LARP7: variants seen among roughly 807,000 people sequenced by gnomAD.
LARP7 encodes la-related protein 7.
In LARP7, 52 loss-of-function variants were observed where a neutral mutation model predicts 69.3. The ratio of observed to expected loss-of-function variants is 0.75; its 90% CI spans 0.60 to 0.95. The LOEUF is 0.95. LARP7 is among the 40% of genes least tolerant of loss of function. The pLI, the probability that LARP7 is intolerant of heterozygous loss-of-function variation, is 0.00. For missense variants in LARP7, 733 were observed against 673.0 expected (o/e 1.09, Z -0.99); for synonymous variants, 254 against 215.9 (o/e 1.18, Z -1.55).
Position 112,647,675 on chromosome 4 carries a change from T to C in LARP7, c.998-15T>C. ...GCCCCATGTCTTAACGGAGAGCTTT[T>C]TTATTTATTTCAAGATATAGAAATC... On this transcript the variant is annotated splice_polypyrimidine_tract_variant and intron_variant, in intron 7 of 12. Transcript: ENST00000344442. 6.6e-7 allele frequency: 1 copy of C among 1,508,402 alleles called. No individual in the cohort carries two copies. Among genetic ancestry groups the C allele is most frequent in the Non-Finnish European group, 8.8e-7 (1 of 1,132,814 alleles). 93.4% of individuals were successfully genotyped at this position (1,508,402 alleles called of 1,614,324 possible). A position where few individuals can be genotyped will look rare whatever the true frequency, so the allele number is the denominator to read the frequency against.
intron 8 of LARP7, chr4:112,648,335 T>G (rs780918238): frequency 3.8e-6 from 2 of 530,174 alleles, no homozygotes; most frequent in Admixed American, 3.9e-5. Flanking sequence ...AAAAATTTTG[T>G]AACAAAAGGT....
intron 9 of LARP7, chr4:112,650,193 C>A: frequency 3.7e-6 from 1 of 273,516 alleles, no homozygotes; most frequent in Non-Finnish European, 6.8e-6. Context: ...TTCCTTTGTT[C>A]AGGGAGAAGG....
intron 1 of LARP7, among the ~76,000 whole-genome samples, chr4:112,640,302 G>A (rs1225777443): frequency 2.0e-5 from 3 of 152,160 alleles, no homozygotes; most frequent in Admixed American, 2.0e-4. Flanking sequence ...CACTTTACAG[G>A]TACTTTTAAA....
rs1219645038 is a variant in LARP7, at chr4:112,650,541, A to G, written c.1375A>G (p.Ile459Val). ...GTTCGTGAGTGGAGTGATTGTGAAG[A>G]TCATTAGCACAGAGCCTCTACCTGG... Reference protein sequence around the residue: ...PQFVSGVIVKIISTEPLPGRK... With the variant: ...PQFVSGVIVKVISTEPLPGRK... The change falls in exon 10 of 13, where the codon ATC (isoleucine) becomes GTC (valine). Residue 459 changes from isoleucine (I) to valine (V), a missense_variant. Transcript: ENST00000344442. 9.9e-6 allele frequency: 16 copies of G among 1,613,812 alleles called. No homozygotes were observed. Among genetic ancestry groups the G allele is most frequent in the Non-Finnish European group, 1.2e-5 (14 of 1,179,788 alleles).
Position 112,646,602 on chromosome 4 carries a change from C to T in LARP7, c.318C>T (p.Gly106=), listed in dbSNP as rs200626117. 9.2e-5 allele frequency: 146 copies of T among 1,591,662 alleles called. No homozygotes were observed. The East Asian group carries it at 3.2e-3, about 35-fold the overall frequency. The change falls in exon 4 of 13, where the codon GGC becomes GGT. Residue 106 remains glycine (G), a synonymous_variant. Coordinates refer to ENST00000344442, the MANE Select transcript of LARP7 (RefSeq NM_016648.4). The part of the protein sequence containing the change: ...SSAVVELDLE[G]TRIRRKKPLG... The stretch of plus-strand genomic sequence containing the variant: ...CTATTTTAAAGCTTGATTTGGAAGG[C>T]ACCAGAATCCGGAGGAAAAAACCTC...
At position 112,650,543 on chromosome 4, in the gene LARP7, C is replaced by T. The variant is rs755879346; in HGVS notation, c.1377C>T (p.Ile459=). The T allele has an allele frequency of 6.2e-7, 1 of 1,613,682 alleles. No individual in the cohort carries two copies. Among genetic ancestry groups the T allele is most frequent in the East Asian group, 2.2e-5 (1 of 44,856 alleles). ...PQFVSGVIVK[I]ISTEPLPGRK... ...TCGTGAGTGGAGTGATTGTGAAGAT[C>T]ATTAGCACAGAGCCTCTACCTGGCA... Residue 459 remains isoleucine, a synonymous_variant, in exon 10 of 13, where the codon ATC becomes ATT. Coordinates refer to ENST00000344442, the MANE Select transcript of LARP7 (RefSeq NM_016648.4).
At chr4:112,648,554 G>A (rs1342976819) in intron 8 of LARP7, 2 of 524,472 alleles carry the variant, frequency 3.8e-6, no homozygotes, top group Admixed American at 2.0e-5. Flanking sequence ...AAGTTGAAGG[G>A]AGCCCACCCA....
At chr4:112,641,804 G>A (rs564162911) in intron 1 of LARP7, among the ~76,000 whole-genome samples, 2 of 152,304 alleles carry the variant, frequency 1.3e-5, no homozygotes, top group South Asian at 4.1e-4. Flanking sequence ...TTAATTTTGA[G>A]ATATCCTTTA....
intron 1 of LARP7, among the ~76,000 whole-genome samples, chr4:112,639,902 T>C (rs1303304501): frequency 6.6e-6 from 1 of 152,112 alleles, no homozygotes; most frequent in Non-Finnish European, 1.5e-5. Flanking sequence ...GAATTATAAT[T>C]ATCAATTATA....
At chr4:112,646,320 A>G (rs747894544) in intron 2 of LARP7, 31 bp from the exon 3 acceptor site, 3 of 1,091,732 alleles carry the variant, frequency 2.7e-6, no homozygotes, top group Non-Finnish European at 4.2e-6. Flanking sequence ...CTGCTGATAC[A>G]CTAACATATT....
intron 7 of LARP7, 38 bp downstream of exon 7, chr4:112,647,587 A>ATTAGT (rs71597609): frequency 7.1e-7 from 1 of 1,414,396 alleles, no homozygotes. Context: ...AAACTAATTA[A>ATTAGT]TTTTAATTAA....
intron 1 of LARP7, among the ~76,000 whole-genome samples, chr4:112,643,809 G>A (rs2048052490): frequency 6.6e-6 from 1 of 151,934 alleles, no homozygotes; most frequent in Non-Finnish European, 1.5e-5. Context: ...CTGAGATCAT[G>A]CCACTGCACT....
At chr4:112,645,525 A>T in intron 2 of LARP7, 1 of 456,024 alleles carries the variant, frequency 2.2e-6, no homozygotes, top group Non-Finnish European at 4.4e-6. Context: ...CATTTTTTTG[A>T]GGCAAGGTCT....
Position 112,653,248 on chromosome 4 carries a change from T to C in LARP7, c.1576+12T>C, listed in dbSNP as rs2048823895. ...CGAGATCCTTTCTGGTAAAACTTCA[T>C]AGACGTTTCCTTTTTTTTTTGTTAT... On this transcript the variant is annotated intron_variant, in intron 11 of 12. Coordinates refer to ENST00000344442, the MANE Select transcript of LARP7 (RefSeq NM_016648.4). 6.4e-7 allele frequency: 1 copy of C among 1,565,062 alleles called. No homozygotes were observed. Among genetic ancestry groups the C allele is most frequent in the Non-Finnish European group, 8.6e-7 (1 of 1,162,788 alleles).
intron 1 of LARP7, among the ~76,000 whole-genome samples, chr4:112,642,856 A>C (rs559600584): frequency 2.6e-5 from 4 of 152,230 alleles, no homozygotes; most frequent in Non-Finnish European, 4.4e-5. Context: ...TAAGGCCTCC[A>C]TGCCATCTAA....
intron 1 of LARP7, chr4:112,644,452 T>G (rs1476491438): frequency 8.4e-7 from 1 of 1,190,282 alleles, no homozygotes; most frequent in Non-Finnish European, 1.1e-6. Flanking sequence ...TTTTAAAAGG[T>G]ACAAAGAAAC....
chr4:112,644,945 CT>C (rs58234206), intron 2 of LARP7, 74 bp downstream of exon 2: 2,594 of 167,732 alleles, frequency 0.015, 2 homozygotes, highest in Middle Eastern at 0.052. Flanking sequence ...ATAATATATT[CT>C]TTTTTTTTTT....
Position 112,650,580 on chromosome 4 carries a change from C to T in LARP7, c.1414C>T (p.Arg472Trp), listed in dbSNP as rs760724993. 6.8e-6 allele frequency: 11 copies of T among 1,612,086 alleles called. No individual in the cohort carries two copies. The highest frequency in any genetic ancestry group is 1.3e-5 in the African/African-American group (1 of 74,828). ...TEPLPGRKQVRDTLAAISEVL... is the reference protein window; with the variant it reads ...TEPLPGRKQVWDTLAAISEVL... ...GCCTCTACCTGGCAGGAAACAAGTC[C>T]GGGTAATGATTTTGAGCCCCTAGGG... Residue 472 changes from arginine (R) to tryptophan (W), a missense_variant and splice_region_variant, in exon 10 of 13, where the codon CGG (arginine) becomes TGG (tryptophan). Physicochemically the swap from Arg to Trp is moderately radical, Grantham distance 101 (BLOSUM62 -3). Coordinates refer to ENST00000344442, the MANE Select transcript of LARP7 (RefSeq NM_016648.4).
In LARP7 at chr4:112,654,138, A is replaced by G. The variant is rs765992915; in HGVS notation, c.1647A>G (p.Glu549=). The part of the protein sequence containing the change: ...DRQAKLNQPR[E]KKRGTEKLIT... Reference sequence around the variant, plus strand: ...AGGCAAAACTTAATCAGCCTCGGGAAAAGAAAAGAGGCACTGAAAAGGTAA... The same window carrying G: ...AGGCAAAACTTAATCAGCCTCGGGAGAAGAAAAGAGGCACTGAAAAGGTAA... The change falls in exon 12 of 13, where the codon GAA becomes GAG. Residue 549 remains glutamate (E), a synonymous_variant. Coordinates refer to ENST00000344442, the MANE Select transcript of LARP7 (RefSeq NM_016648.4). The G allele has an allele frequency of 6.2e-7, 1 of 1,613,692 alleles. No homozygotes were observed. Among genetic ancestry groups the G allele is most frequent in the Admixed American group, 1.7e-5 (1 of 59,998 alleles).
Sources: allele counts gnomAD v4.1 joint callset (sites outside exome capture counted in the v4.1 genomes callset), GRCh38; gene constraint gnomAD v4.1.1; transcripts MANE v1.5; gene names NCBI Gene and HGNC (gene_info 2026-07-23, HGNC 2026-07-21).